LPP: variants seen among roughly 807,000 people sequenced by gnomAD.
LPP encodes lipoma-preferred partner.
In LPP, 38 loss-of-function variants were observed where a neutral mutation model predicts 60.4. The ratio of observed to expected loss-of-function variants is 0.63; its 90% CI spans 0.49 to 0.83. LPP has a LOEUF of 0.83. Among genes scored for constraint, LPP ranks in the 40% least tolerant of loss-of-function variants. The pLI is 0.00. For synonymous variants in LPP, 328 were observed against 290.8 expected (o/e 1.13, Z -1.30); for missense variants, 902 against 783.6 (o/e 1.15, Z -1.80).
intron 4 of LPP, among the ~76,000 whole-genome samples, chr3:188,436,707 T>C (rs1041393988): frequency 1.3e-5 from 2 of 152,118 alleles, no homozygotes; most frequent in African/African-American, 2.4e-5. Flanking sequence ...TAATTAGGTG[T>C]ATAGTGGTAG....
chr3:188,465,396 G>A (rs951929553), intron 4 of LPP, among the ~76,000 whole-genome samples: 1 of 152,180 alleles, frequency 6.6e-6, no homozygotes, highest in African/African-American at 2.4e-5. Flanking sequence ...TTAAGGCTGT[G>A]TGAAGTGAAT....
intron 9 of LPP, among the ~76,000 whole-genome samples, chr3:188,772,073 A>C (rs1365550669): frequency 6.6e-6 from 1 of 152,206 alleles, no homozygotes; most frequent in African/African-American, 2.4e-5. Context: ...TTTTATGCAC[A>C]GTCAAGTTTG....
In LPP at chr3:188,358,502, C is replaced by T. The variant is rs373188987; in HGVS notation, c.-10+16783C>T. 5.9e-5 allele frequency among the ~76,000 whole-genome samples: 9 copies of T among 152,296 alleles called. No homozygotes were observed. In the East Asian group the frequency reaches 1.7e-3, roughly 29 times the overall value. On this transcript the variant is annotated intron_variant, in intron 3 of 11. Transcript: ENST00000617246. ...AGAGAAGAAAAAAGAACTATTATTTCCACCAGGGTGAAGGGCAGGAGTCAA... is the reference window on the plus strand; with the variant it reads ...AGAGAAGAAAAAAGAACTATTATTTTCACCAGGGTGAAGGGCAGGAGTCAA...
At chr3:188,541,761 GT>G in intron 6 of LPP, among the ~76,000 whole-genome samples, 1 of 152,124 alleles carries the variant, frequency 6.6e-6, no homozygotes, top group East Asian at 1.9e-4. Flanking sequence ...GCTGTGCATG[GT>G]GGCGGGCACC....
intron 7 of LPP, among the ~76,000 whole-genome samples, chr3:188,648,818 T>A (rs1427879771): frequency 6.6e-6 from 1 of 152,224 alleles, no homozygotes; most frequent in African/African-American, 2.4e-5. Context: ...TTCCCCTTTC[T>A]ATTTTATTGT....
intron 3 of LPP, among the ~76,000 whole-genome samples, chr3:188,363,273 G>A (rs914224660): frequency 1.3e-5 from 2 of 152,128 alleles, no homozygotes; most frequent in Admixed American, 1.3e-4. Context: ...GAAAATGCAT[G>A]TGGATTTATC....
At chr3:188,507,842 C>T (rs1814027377) in intron 5 of LPP, among the ~76,000 whole-genome samples, 1 of 152,212 alleles carries the variant, frequency 6.6e-6, no homozygotes, top group South Asian at 2.1e-4. Flanking sequence ...CCTTTTGCTT[C>T]AGTTTCTGTC....
intron 6 of LPP, among the ~76,000 whole-genome samples, chr3:188,559,062 C>T (rs1560563393): frequency 6.6e-6 from 1 of 152,020 alleles, no homozygotes; most frequent in African/African-American, 2.4e-5. Flanking sequence ...AGCTATATGA[C>T]CTTGAACATT....
chr3:188,487,918 G>T (rs1807070403), intron 5 of LPP, among the ~76,000 whole-genome samples: 1 of 152,076 alleles, frequency 6.6e-6, no homozygotes, highest in African/African-American at 2.4e-5. Context: ...TATAAGAGTT[G>T]TAAGATTTTG....
intron 9 of LPP, among the ~76,000 whole-genome samples, chr3:188,782,565 T>C (rs941178949): frequency 6.6e-6 from 1 of 152,178 alleles, no homozygotes; most frequent in African/African-American, 2.4e-5. Flanking sequence ...AAATGCTAAC[T>C]GTGACTATAG....
At chr3:188,846,765 G>A (rs969940391) in intron 9 of LPP, among the ~76,000 whole-genome samples, 5 of 151,936 alleles carry the variant, frequency 3.3e-5, no homozygotes, top group Admixed American at 3.3e-4. Flanking sequence ...CTAGAATATA[G>A]GGTACCATAG....
intron 1 of LPP, among the ~76,000 whole-genome samples, chr3:188,224,399 T>C (rs1170531317): frequency 6.6e-6 from 1 of 152,182 alleles, no homozygotes; most frequent in Non-Finnish European, 1.5e-5. Context: ...AAAGACAAGT[T>C]TTATAACAGC....
At chr3:188,186,652 G>A (rs765185230) in intron 1 of LPP, among the ~76,000 whole-genome samples, 2 of 151,744 alleles carry the variant, frequency 1.3e-5, no homozygotes, top group South Asian at 2.1e-4. Context: ...AAAATAATGC[G>A]GAAGTGTTTA....
At chr3:188,456,636 G>A (rs936076415) in intron 4 of LPP, among the ~76,000 whole-genome samples, 4 of 152,302 alleles carry the variant, frequency 2.6e-5, no homozygotes, top group African/African-American at 4.8e-5. Context: ...GAAGGATTGC[G>A]TTTCTTTTTG....
chr3:188,525,367 CTT>C (rs1332464438), intron 6 of LPP, among the ~76,000 whole-genome samples: 2 of 152,164 alleles, frequency 1.3e-5, no homozygotes, highest in Non-Finnish European at 2.9e-5. Context: ...TAAATTGACT[CTT>C]TGAGTACTTT....
chr3:188,371,533 A>G lies in LPP; in HGVS notation c.-10+29814A>G, dbSNP rs921226269. ...ACAGGGTTTCAGGTCTAGGGAAGAA[A>G]AACATCATATTAATAATTTTACAAA... On this transcript the variant is annotated intron_variant, in intron 3 of 11. Coordinates refer to ENST00000617246, the MANE Select transcript of LPP (RefSeq NM_001375462.1). 2.0e-5 allele frequency among the ~76,000 whole-genome samples: 3 copies of G among 148,082 alleles called. No individual in the cohort carries two copies. In the South Asian group the frequency reaches 6.4e-4, roughly 32 times the overall value.
Position 188,876,544 on chromosome 3 carries a change from A to G in LPP, c.*2065A>G, listed in dbSNP as rs1480773378. The stretch of plus-strand genomic sequence containing the variant: ...GTGTCTCTGAATTCCTGTCTTCCAA[A>G]TTGAAGCCAGACCATGCTGATGACC... On this transcript the variant is annotated 3_prime_UTR_variant, in exon 12 of 12. Transcript: ENST00000617246. 2.4e-5 allele frequency: 5 copies of G among 204,818 alleles called. No individual in the cohort carries two copies. 12.7% of individuals were successfully genotyped at this position (204,818 alleles called of 1,614,324 possible).
chr3:188,321,454 A>G (rs151219694), intron 2 of LPP, among the ~76,000 whole-genome samples: 2 of 152,368 alleles, frequency 1.3e-5, no homozygotes, highest in African/African-American at 4.8e-5. Flanking sequence ...GCCTGGGAAG[A>G]ACATGGATCA....
chr3:188,587,695 G>T (rs527763251), intron 6 of LPP, among the ~76,000 whole-genome samples: 3 of 152,320 alleles, frequency 2.0e-5, no homozygotes, highest in Admixed American at 6.5e-5. Context: ...TTAAGAGATT[G>T]TGGGCCAGAA....
Sources: gnomAD v4.1 joint callset for allele counts (sites outside exome capture counted in the v4.1 genomes callset) on GRCh38, gnomAD v4.1.1 for gene constraint, MANE v1.5 for transcripts, NCBI Gene and HGNC (gene_info 2026-07-23, HGNC 2026-07-21) for gene names.